Variants in DIAPH1 observed in about 807,000 individuals in gnomAD.
The protein encoded by DIAPH1 is diaphanous related formin 1.
A neutral mutation model predicts 140.7 loss-of-function variants in DIAPH1; 46 were observed. That is an observed-to-expected ratio of 0.33 (90% CI 0.26 to 0.42). DIAPH1 has a LOEUF of 0.42. DIAPH1 is among the 10% of genes least tolerant of loss of function. DIAPH1 has a pLI of 1.00. For synonymous variants in DIAPH1, 565 were observed against 551.6 expected, an observed-to-expected ratio of 1.02 and a Z score of -0.34; for missense variants, 1,310 against 1,558.7, an observed-to-expected ratio of 0.84 and a Z score of 2.69.
chr5:141,535,986 G>A (rs2099888948), intron 18 of DIAPH1: 1 of 467,644 alleles, frequency 2.1e-6, no homozygotes, highest in African/African-American at 2.0e-5. Flanking sequence ...ACATACAAAA[G>A]GTACAAAGAA....
chr5:141,548,281 A>AT (rs2099891131), intron 18 of DIAPH1, among the ~76,000 whole-genome samples: 1 of 92,320 alleles, frequency 1.1e-5, no homozygotes, highest in Admixed American at 1.4e-4. Flanking sequence ...GGAATTCTTT[A>AT]AAAAAAAAAA....
At chr5:141,582,900 C>T (rs2099896990) in intron 6 of DIAPH1, among the ~76,000 whole-genome samples, 2 of 152,142 alleles carry the variant, frequency 1.3e-5, no homozygotes, top group African/African-American at 2.4e-5. Context: ...ATTACCCAGA[C>T]CAGATTACAC....
rs766999490 is a variant in DIAPH1, at chr5:141,571,811, C to T, written c.2473+115G>A. ...TTGAATGGGAAAATCCATCAGTCTT[C>T]CATCCAACATACCCTTTCTATCTTC... On this transcript the variant is annotated intron_variant, in intron 17 of 27. Transcript: ENST00000389054. 7.4e-6 allele frequency: 6 copies of T among 814,920 alleles called. No homozygotes were observed. The South Asian group carries it at 8.1e-5, about 11-fold the overall frequency. 50.5% of individuals were successfully genotyped at this position (814,920 alleles called of 1,614,324 possible). A position where few individuals can be genotyped will look rare whatever the true frequency, so the allele number is the denominator to read the frequency against.
chr5:141,532,262 C>T (rs2099888346), intron 19 of DIAPH1, among the ~76,000 whole-genome samples: 1 of 152,050 alleles, frequency 6.6e-6, no homozygotes, highest in African/African-American at 2.4e-5. Context: ...ACCTCAAATT[C>T]CTGGGCTCAA....
intron 1 of DIAPH1, among the ~76,000 whole-genome samples, chr5:141,593,375 G>T (rs1050695310): frequency 6.6e-6 from 1 of 152,098 alleles, no homozygotes; most frequent in African/African-American, 2.4e-5. Context: ...GGATGCCAGG[G>T]TCCCTATACT....
chr5:141,577,156 T>C (rs371642446), intron 12 of DIAPH1, among the ~76,000 whole-genome samples: 3 of 152,228 alleles, frequency 2.0e-5, no homozygotes, highest in Non-Finnish European at 2.9e-5. Flanking sequence ...GATAGTGCTA[T>C]TGCTAAATCT....
chr5:141,572,995 C>T (rs905386830), intron 16 of DIAPH1, among the ~76,000 whole-genome samples: 5 of 152,122 alleles, frequency 3.3e-5, no homozygotes, highest in Non-Finnish European at 7.4e-5. Flanking sequence ...CAGAACTCTC[C>T]GTGGTGATGT....
At chr5:141,533,630 T>C (rs1475704581) in intron 19 of DIAPH1, among the ~76,000 whole-genome samples, 1 of 152,174 alleles carries the variant, frequency 6.6e-6, no homozygotes, top group East Asian at 1.9e-4. Context: ...GCAGATCACT[T>C]GAGGCCAGGA....
intron 3 of DIAPH1, 145 bp from the exon 4 acceptor site, chr5:141,584,370 G>T (rs1281799486): frequency 4.7e-6 from 3 of 633,590 alleles, no homozygotes; most frequent in Admixed American, 2.5e-5. Flanking sequence ...AGAAATTTAA[G>T]CTATTACAGC....
chr5:141,535,412 ACT>A (rs1364810066), intron 18 of DIAPH1, among the ~76,000 whole-genome samples: 1 of 151,392 alleles, frequency 6.6e-6, no homozygotes, highest in East Asian at 1.9e-4. Flanking sequence ...AATGATACTC[ACT>A]CTCTGCTTTG....
intron 18 of DIAPH1, among the ~76,000 whole-genome samples, chr5:141,542,958 A>C (rs953651339): frequency 6.6e-6 from 1 of 152,160 alleles, no homozygotes; most frequent in Non-Finnish European, 1.5e-5. Flanking sequence ...CCTATCAATG[A>C]TAAATTTTCT....
chr5:141,604,302 T>C (rs1283397520), intron 1 of DIAPH1, among the ~76,000 whole-genome samples: 1 of 152,204 alleles, frequency 6.6e-6, no homozygotes, highest in Non-Finnish European at 1.5e-5. Context: ...AAACATAATG[T>C]TAACCAATTT....
intron 18 of DIAPH1, among the ~76,000 whole-genome samples, chr5:141,553,789 G>T (rs2099892127): frequency 6.6e-6 from 1 of 152,066 alleles, no homozygotes; most frequent in Admixed American, 6.6e-5. Context: ...ATAGAGACAA[G>T]AACAGAAATT....
chr5:141,536,048 C>T, intron 18 of DIAPH1: 1 of 467,084 alleles, frequency 2.1e-6, no homozygotes, highest in South Asian at 1.6e-5. Context: ...ACCTGTAATC[C>T]CAGCACTTTG....
At chr5:141,563,302 C>G (rs1021045199) in intron 18 of DIAPH1, 1 of 152,178 alleles carries the variant, frequency 6.6e-6, no homozygotes, top group African/African-American at 2.4e-5. Flanking sequence ...GCCAAGTCAA[C>G]AGAAAATGTT....
intron 27 of DIAPH1, among the ~76,000 whole-genome samples, chr5:141,522,586 A>G (rs1027029521): frequency 6.6e-6 from 1 of 151,896 alleles, no homozygotes; most frequent in Non-Finnish European, 1.5e-5. Flanking sequence ...GTCAAAAAAA[A>G]AAAAAAAAAA....
At chr5:141,571,494 G>A in intron 17 of DIAPH1, 58 bp from the exon 18 acceptor site, 7 of 1,469,300 alleles carry the variant, frequency 4.8e-6, no homozygotes, top group Non-Finnish European at 6.6e-6. Context: ...GAAATGGAAG[G>A]AAGAAAAGGA....
At chr5:141,592,093 A>G (rs1290362868) in intron 1 of DIAPH1, among the ~76,000 whole-genome samples, 1 of 151,038 alleles carries the variant, frequency 6.6e-6, no homozygotes, top group Non-Finnish European at 1.5e-5. Context: ...AAAAAAAAAA[A>G]AAAGAAAGAA....
chr5:141,591,711 T>G (rs1287588547), intron 1 of DIAPH1, among the ~76,000 whole-genome samples: 1 of 84,854 alleles, frequency 1.2e-5, no homozygotes, highest in Admixed American at 1.6e-4. Context: ...TATATATATA[T>G]ATATATATAT....
Sources: gnomAD v4.1 joint callset for allele counts (sites outside exome capture counted in the v4.1 genomes callset) on GRCh38, gnomAD v4.1.1 for gene constraint, MANE v1.5 for transcripts, NCBI Gene and HGNC (gene_info 2026-07-23, HGNC 2026-07-21) for gene names.